Variants in TEKT5 observed in about 807,000 individuals in gnomAD.
TEKT5 encodes tektin 5.
In TEKT5, 52 loss-of-function variants were observed where a neutral mutation model predicts 48.7. That is an observed-to-expected ratio of 1.07 (90% CI 0.86 to 1.35). TEKT5 has a LOEUF of 1.35. Among genes scored for constraint, TEKT5 ranks in the 40% most tolerant of loss-of-function variants. The pLI is 0.00. For missense variants in TEKT5, 831 were observed against 641.6 expected (o/e 1.30, Z -3.19); for synonymous variants, 318 against 267.6 (o/e 1.19, Z -1.84).
At chr16:10,646,768 G>A (rs1042012698) in intron 5 of TEKT5, among the ~76,000 whole-genome samples, 3 of 152,196 alleles carry the variant, frequency 2.0e-5, no homozygotes, top group African/African-American at 7.2e-5. Context: ...GCCTCCTCCA[G>A]AGCCCACCTA....
intron 1 of TEKT5, chr16:10,690,671 C>T: frequency 5.1e-6 from 5 of 985,384 alleles, no homozygotes; most frequent in Non-Finnish European, 6.0e-6. Context: ...GTCAGGACAA[C>T]CCTGCCACCT....
At chr16:10,686,730 A>T (rs1048505420) in intron 3 of TEKT5, among the ~76,000 whole-genome samples, 3 of 152,226 alleles carry the variant, frequency 2.0e-5, no homozygotes, top group Non-Finnish European at 4.4e-5. Flanking sequence ...TATCCAAAAT[A>T]TGTAAAGAAC....
intron 6 of TEKT5, 34 bp downstream of exon 6, chr16:10,635,730 G>C: frequency 6.3e-7 from 1 of 1,595,964 alleles, no homozygotes; most frequent in Non-Finnish European, 8.6e-7. Flanking sequence ...GATTCCCAGG[G>C]GTTCTCCTGC....
At chr16:10,649,595 T>C (rs2541549) in intron 5 of TEKT5, among the ~76,000 whole-genome samples, 15,815 of 151,354 alleles carry the variant, frequency 0.1, 933 homozygotes, top group African/African-American at 0.17. Flanking sequence ...CCACCATGCT[T>C]GGCTAGTTTT....
At chr16:10,679,253 G>C (rs972911812) in intron 4 of TEKT5, among the ~76,000 whole-genome samples, 3 of 151,978 alleles carry the variant, frequency 2.0e-5, no homozygotes, top group Admixed American at 6.6e-5. Context: ...CCAGGTAAAA[G>C]GTGTCTCTCC....
intron 3 of TEKT5, among the ~76,000 whole-genome samples, chr16:10,687,407 C>T (rs539640802): frequency 8.5e-5 from 13 of 152,280 alleles, no homozygotes; most frequent in African/African-American, 2.9e-4. Context: ...AACAAAGACA[C>T]TGGCCTGTCC....
chr16:10,640,200 T>C (rs983287322), intron 5 of TEKT5, among the ~76,000 whole-genome samples: 10 of 144,032 alleles, frequency 6.9e-5, no homozygotes, highest in African/African-American at 2.3e-4. Context: ...TGAAGAGCAG[T>C]GGCAGGATCA....
chr16:10,682,304 C>T lies in TEKT5; in HGVS notation c.720-168G>A, dbSNP rs558592843. Among the ~76,000 whole-genome samples the T allele has an allele frequency of 1.4e-4, 22 of 151,852 alleles. No homozygotes were observed. The South Asian group carries it at 4.0e-3, about 27-fold the overall frequency. ...CCACCACATACCCAGAGGCTCCCCC[C>T]AATCCAAACAGATTTGTCCTTTATT... On this transcript the variant is annotated intron_variant, in intron 3 of 6. Coordinates refer to ENST00000283025, the MANE Select transcript of TEKT5 (RefSeq NM_144674.2).
intron 5 of TEKT5, among the ~76,000 whole-genome samples, chr16:10,659,917 A>G (rs1898333335): frequency 6.6e-6 from 1 of 152,154 alleles, no homozygotes; most frequent in Admixed American, 6.5e-5. Flanking sequence ...ATGGCAGTGA[A>G]TTGTTCACTT....
At chr16:10,654,292 C>G (rs1898220645) in intron 5 of TEKT5, among the ~76,000 whole-genome samples, 1 of 152,180 alleles carries the variant, frequency 6.6e-6, no homozygotes, top group Non-Finnish European at 1.5e-5. Context: ...CTCAAGCAAT[C>G]CATCCACCTC....
intron 6 of TEKT5, among the ~76,000 whole-genome samples, chr16:10,634,967 C>A (rs1346522256): frequency 6.6e-6 from 1 of 152,196 alleles, no homozygotes; most frequent in Non-Finnish European, 1.5e-5. Flanking sequence ...CCCACGGAAA[C>A]TGAGATAACA....
chr16:10,650,752 G>A lies in TEKT5; in HGVS notation c.1087-14834C>T, dbSNP rs554078123. On this transcript the variant is annotated intron_variant, in intron 5 of 6. Transcript: ENST00000283025. ...TACAAAAAATCAGCCAGGCGTGGTGGTGTGTGCCTGTAATCCCAGCTACTC... is the reference window on the plus strand; with the variant it reads ...TACAAAAAATCAGCCAGGCGTGGTGATGTGTGCCTGTAATCCCAGCTACTC... 2.0e-5 allele frequency among the ~76,000 whole-genome samples: 3 copies of A among 152,210 alleles called. No individual in the cohort carries two copies. In the East Asian group the frequency reaches 5.9e-4, roughly 30 times the overall value.
chr16:10,653,687 G>A (rs1898208774), intron 5 of TEKT5, among the ~76,000 whole-genome samples: 1 of 152,096 alleles, frequency 6.6e-6, no homozygotes, highest in African/African-American at 2.4e-5. Flanking sequence ...CCAAGGTGGG[G>A]AGATCACCTG....
At chr16:10,661,797 T>C (rs751719516) in intron 5 of TEKT5, among the ~76,000 whole-genome samples, 1 of 152,138 alleles carries the variant, frequency 6.6e-6, no homozygotes, top group Non-Finnish European at 1.5e-5. Context: ...CATGTGGCCT[T>C]GGCAAATCAC....
At chr16:10,630,896 C>T (rs948247342) in intron 6 of TEKT5, among the ~76,000 whole-genome samples, 2 of 151,538 alleles carry the variant, frequency 1.3e-5, no homozygotes, top group Admixed American at 6.6e-5. Context: ...TCATGGTGCA[C>T]ACCTGTAATC....
chr16:10,676,361 A>G (rs1341068191), intron 4 of TEKT5, among the ~76,000 whole-genome samples, 180 bp from the exon 5 acceptor site: 2 of 152,120 alleles, frequency 1.3e-5, no homozygotes, highest in African/African-American at 4.8e-5. Flanking sequence ...TAGCTCCCCA[A>G]CCACCCCGTT....
In TEKT5 at chr16:10,682,151, G is replaced by A. The variant is rs1253574438; in HGVS notation, c.720-15C>T. ...CCCGGTTATCCCTGCAGGGAGGGAG[G>A]AGTCATTCCTGGACTATGCACCTGC... On this transcript the variant is annotated splice_polypyrimidine_tract_variant and intron_variant, in intron 3 of 6. Transcript: ENST00000283025. The A allele has an allele frequency of 1.9e-6, 3 of 1,613,368 alleles. No individual in the cohort carries two copies. Among genetic ancestry groups the A allele is most frequent in the Non-Finnish European group, 2.5e-6 (3 of 1,179,650 alleles).
At chr16:10,692,459 C>T (rs1898996696) in intron 1 of TEKT5, among the ~76,000 whole-genome samples, 1 of 152,114 alleles carries the variant, frequency 6.6e-6, no homozygotes, top group Non-Finnish European at 1.5e-5. Flanking sequence ...CCTGAGTTCC[C>T]CACACACTCC....
chr16:10,677,660 G>A (rs558672920), intron 4 of TEKT5, among the ~76,000 whole-genome samples: 2 of 105,420 alleles, frequency 1.9e-5, no homozygotes, highest in South Asian at 3.1e-4. Flanking sequence ...TATCCCAGCT[G>A]TAAAGGGCAA....
Sources: allele counts gnomAD v4.1 joint callset (sites outside exome capture counted in the v4.1 genomes callset), GRCh38; gene constraint gnomAD v4.1.1; transcripts MANE v1.5; gene names NCBI Gene and HGNC (gene_info 2026-07-23, HGNC 2026-07-21).